The following FLG2 variants were observed in gnomAD, a reference collection of about 807,000 sequenced individuals.
FLG2 encodes the protein filaggrin-2.
FLG2 carries 7 observed loss-of-function variants against 3.9 expected under a neutral mutation model. The ratio of observed to expected loss-of-function variants is 1.79; its 90% CI spans 1.02 to 3.36. FLG2 has a LOEUF of 3.36. Ranked by LOEUF, FLG2 falls within the 30% of genes most tolerant of loss-of-function variation. The pLI is 0.00. For missense variants in FLG2, 2,700 were observed against 2,809.4 expected (o/e 0.96, Z 0.88); for synonymous variants, 1,031 against 1,056.1 (o/e 0.98, Z 0.46).
rs139512884 is a variant in FLG2 at position 152,353,070 on chromosome 1, C to G, written c.4716G>C (p.Gln1572His). 249 of 1,613,234 alleles carry G rather than the reference C, an allele frequency of 1.5e-4. No individual in the cohort carries two copies. Among genetic ancestry groups the G allele is most frequent in the Non-Finnish European group, 2.0e-4 (236 of 1,179,848 alleles). Reference sequence around the variant, plus strand: ...CAGTGGACTCACTGTGGCTAGTTCTCTGTCTTCCAGTTGTCCTGGACCCTG... The same window carrying G: ...CAGTGGACTCACTGTGGCTAGTTCTGTGTCTTCCAGTTGTCCTGGACCCTG... Reference protein sequence around the residue: ...TQTGSRTTGRQRTSHSESTDS... With the variant: ...TQTGSRTTGRHRTSHSESTDS... Residue 1572 changes from glutamine (Q) to histidine (H), a missense_variant, in exon 3 of 3, where the codon CAG becomes CAC. Transcript: ENST00000388718.
In FLG2 at chr1:152,356,178, A is replaced by C. The variant is rs1462264614; in HGVS notation, c.1608T>G (p.Ser536=). 2 of 1,613,970 alleles carry C rather than the reference A, an allele frequency of 1.2e-6. No individual in the cohort carries two copies. The highest frequency in any genetic ancestry group is 4.5e-5 in the East Asian group (2 of 44,880). The part of the protein sequence containing the change: ...GQSSGFGQHE[S]RSRQSSYGQH... ...GGCCATAGCTAGACTGACGTGATCT[A>C]GACTCATGTTGTCCAAAACCAGAGG... Residue 536 remains serine (S), a synonymous_variant, in exon 3 of 3, where the codon TCT becomes TCG. Transcript: ENST00000388718.
intron 1 of FLG2, 69 bp from the exon 2 acceptor site, chr1:152,358,975 T>C: frequency 1.4e-6 from 2 of 1,398,534 alleles, no homozygotes; most frequent in Non-Finnish European, 1.9e-6. Flanking sequence ...TTCATTTTAA[T>C]AATAACCAGC....
chr1:152,353,479 C>T lies in FLG2; in HGVS notation c.4307G>A (p.Gly1436Asp). Residue 1436 changes from glycine (G) to aspartate (D), a missense_variant, in exon 3 of 3, where the codon GGC (glycine) becomes GAC (aspartate). Gly to Asp is a moderately conservative substitution (Grantham distance 94). Coordinates refer to ENST00000388718, the MANE Select transcript of FLG2 (RefSeq NM_001014342.3). ...ESSDSEVHSG[G>D]SHRPQSQEQT... is the part of the protein sequence containing the mutation. ...TTCTTGTGATTGTGGTCTGTGTGAGCCCCCTGAGTGCACTTCACTGTCACT... is the reference window on the plus strand; with the variant it reads ...TTCTTGTGATTGTGGTCTGTGTGAGTCCCCTGAGTGCACTTCACTGTCACT... The T allele has an allele frequency of 1.2e-6, 2 of 1,610,984 alleles. No individual in the cohort carries two copies. The highest frequency in any genetic ancestry group is 1.7e-6 in the Non-Finnish European group (2 of 1,179,168).
Position 152,353,883 on chromosome 1 carries a change from T to C in FLG2, c.3903A>G (p.Pro1301=). 1 of 1,614,120 alleles carries C rather than the reference T, an allele frequency of 6.2e-7. No homozygotes were observed. The highest frequency in any genetic ancestry group is 8.5e-7 in the Non-Finnish European group (1 of 1,179,966). ...TTCTGCGAACTGTGGATCCTGACTT[T>C]GGGTAGTGAGATCCAGCTTGTGTGT... The part of the protein sequence containing the change: ...HIHTQAGSHY[P]KSGSTVRRRQ... Residue 1301 remains proline, a synonymous_variant, in exon 3 of 3, where the codon CCA becomes CCG. Coordinates refer to ENST00000388718, the MANE Select transcript of FLG2 (RefSeq NM_001014342.3).
Position 152,352,774 on chromosome 1 carries a change from C to A in FLG2, c.5012G>T (p.Gly1671Val). Reference sequence around the variant, plus strand: ...AGATCCAGCTTGACCATGAGTGTGTCCTGTATGTGTGTGTGAGACCCCTGA... The same window carrying A: ...AGATCCAGCTTGACCATGAGTGTGTACTGTATGTGTGTGTGAGACCCCTGA... ...VHSGVSHTHT[G>V]HTHGQAGSQH... The change falls in exon 3 of 3, where the codon GGA becomes GTA. Residue 1671 changes from glycine to valine, a missense_variant. Physicochemically the swap from Gly to Val is moderately radical, Grantham distance 109. Transcript: ENST00000388718. 6.2e-7 allele frequency: 1 copy of A among 1,613,146 alleles called. No homozygotes were observed.
chr1:152,352,360 C>G lies in FLG2; in HGVS notation c.5426G>C (p.Ser1809Thr), dbSNP rs1254496666. 1 of 1,613,934 alleles carries G rather than the reference C, an allele frequency of 6.2e-7. No individual in the cohort carries two copies. The highest frequency in any genetic ancestry group is 2.2e-5 in the East Asian group (1 of 44,856). Residue 1809 changes from serine (S) to threonine (T), a missense_variant, in exon 3 of 3, where the codon AGT (serine) becomes ACT (threonine). Physicochemically the swap from Ser to Thr is moderately conservative, Grantham distance 58. Transcript: ENST00000388718. ...TTGTGAGAACCCTGAGTGCCCTTCACTGTCACTGTACTCACTGTGGCCAGA... is the reference window on the plus strand; with the variant it reads ...TTGTGAGAACCCTGAGTGCCCTTCAGTGTCACTGTACTCACTGTGGCCAGA... Reference protein sequence around the residue: ...RSSGHSEYSDSEGHSGFSQRP... With the variant: ...RSSGHSEYSDTEGHSGFSQRP...
rs1475446263 is a variant in FLG2 at position 152,352,708 on chromosome 1, C to T, written c.5078G>A (p.Gly1693Glu). 1 of 1,613,702 alleles carries T rather than the reference C, an allele frequency of 6.2e-7. No homozygotes were observed. The highest frequency in any genetic ancestry group is 8.5e-7 in the Non-Finnish European group (1 of 1,179,924). The stretch of plus-strand genomic sequence containing the variant: ...ATCTCCTGTCTGTCCATGAGTAGTT[C>T]CATGTCTCTCAGGAACTATGGATTC... ...QSESIVPERH[G>E]TTHGQTGDTT... Residue 1693 changes from glycine (G) to glutamate (E), a missense_variant, in exon 3 of 3, where the codon GGA becomes GAA. Coordinates refer to ENST00000388718, the MANE Select transcript of FLG2 (RefSeq NM_001014342.3).
In FLG2 at chr1:152,354,040, T is replaced by C. The variant is rs16833974; in HGVS notation, c.3746A>G (p.His1249Arg). 18,853 of 1,614,062 alleles carry C rather than the reference T, an allele frequency of 0.012. 1,573 individuals carry two copies. In the African/African-American group the frequency reaches 0.2, roughly 17 times the overall value. The change falls in exon 3 of 3, where the codon CAT (histidine) becomes CGT (arginine). Residue 1249 changes from histidine to arginine, a missense_variant. His to Arg is a conservative substitution (Grantham distance 29). Coordinates refer to ENST00000388718, the MANE Select transcript of FLG2 (RefSeq NM_001014342.3). ...THGQTINTTR[H>R]SQSGQGQSTQ... ...GGATTGTCCTTGACCAGACTGGCTA[T>C]GTCTAGTGGTATTTATTGTCTGACC...
At chr1:152,358,158 A>G (rs986716132) in intron 2 of FLG2, among the ~76,000 whole-genome samples, 15 of 151,790 alleles carry the variant, frequency 9.9e-5, no homozygotes, top group Non-Finnish European at 1.9e-4. Context: ...AGTAGCTGGG[A>G]CTACAGGGGC....
rs1654289766 is a variant in FLG2 at position 152,357,471 on chromosome 1, A to T, written c.315T>A (p.Gly105=). 1 of 1,613,884 alleles carries T rather than the reference A, an allele frequency of 6.2e-7. No individual in the cohort carries two copies. The highest frequency in any genetic ancestry group is 8.5e-7 in the Non-Finnish European group (1 of 1,180,016). The change falls in exon 3 of 3, where the codon GGT becomes GGA. Residue 105 remains glycine, a synonymous_variant. Coordinates refer to ENST00000388718, the MANE Select transcript of FLG2 (RefSeq NM_001014342.3). ...CACTTTCTTCTTCTTGGTGTCGGTG[A>T]CCACGCCTATGCTTCTTTGACCCTG... ...KASGSKKHRR[G]HRHQEEESET...
At chr1:152,359,033 G>T in intron 1 of FLG2, 127 bp from the exon 2 acceptor site, 2 of 813,368 alleles carry the variant, frequency 2.5e-6, no homozygotes, top group Non-Finnish European at 3.7e-6. Context: ...CGTAAGAATG[G>T]GCCAGGGATG....
chr1:152,358,739 G>A lies in FLG2; in HGVS notation c.138+8C>T, dbSNP rs750409932. On this transcript the variant is annotated splice_region_variant and intron_variant, in intron 2 of 2. Coordinates refer to ENST00000388718, the MANE Select transcript of FLG2 (RefSeq NM_001014342.3). Reference sequence around the variant, plus strand: ...CAGCAGCCTTCAGTTCTGGCACATGGCTCTCACCTTCAGAACTGGATGAAG... The same window carrying A: ...CAGCAGCCTTCAGTTCTGGCACATGACTCTCACCTTCAGAACTGGATGAAG... 2 of 1,611,434 alleles carry A rather than the reference G, an allele frequency of 1.2e-6. No individual in the cohort carries two copies. The highest frequency in any genetic ancestry group is 1.7e-6 in the Non-Finnish European group (2 of 1,179,024).
Position 152,353,866 on chromosome 1 carries a change from A to G in FLG2, c.3920T>C (p.Val1307Ala). ...GSHYPKSGSTVRRRQGTTHGQ... is the reference protein window; with the variant it reads ...GSHYPKSGSTARRRQGTTHGQ... ...ATGAGTAGTTCCTTGTCTTCTGCGA[A>G]CTGTGGATCCTGACTTTGGGTAGTG... Residue 1307 changes from valine to alanine, a missense_variant, in exon 3 of 3, where the codon GTT becomes GCT. By Grantham distance (64) the Val-to-Ala change is moderately conservative (BLOSUM62 0). Coordinates refer to ENST00000388718, the MANE Select transcript of FLG2 (RefSeq NM_001014342.3). 2 of 1,613,938 alleles carry G rather than the reference A, an allele frequency of 1.2e-6. No homozygotes were observed. The highest frequency in any genetic ancestry group is 1.7e-6 in the Non-Finnish European group (2 of 1,179,944).
rs533646547 is a variant in FLG2 at position 152,352,355 on chromosome 1, C to T, written c.5431G>A (p.Gly1811Arg). The T allele has an allele frequency of 6.2e-7, 1 of 1,613,380 alleles. No individual in the cohort carries two copies. The highest frequency in any genetic ancestry group is 2.2e-5 in the East Asian group (1 of 44,802). The change falls in exon 3 of 3, where the codon GGG becomes AGG. Residue 1811 changes from glycine to arginine, a missense_variant. Transcript: ENST00000388718. ...GGTCTTTGTGAGAACCCTGAGTGCC[C>T]TTCACTGTCACTGTACTCACTGTGG... ...SGHSEYSDSE[G>R]HSGFSQRPHS... is the part of the protein sequence containing the mutation.
chr1:152,354,441 A>C lies in FLG2; in HGVS notation c.3345T>G (p.Phe1115Leu), dbSNP rs931841555. 1 of 1,614,054 alleles carries C rather than the reference A, an allele frequency of 6.2e-7. No individual in the cohort carries two copies. Among genetic ancestry groups the C allele is most frequent in the Non-Finnish European group, 8.5e-7 (1 of 1,180,036 alleles). ...GACCTGAGCCCGATCCATATTGGCC[A>C]AAGCCAGAGGACTGACCTGAGCCTG... ...HRPGSGQSSGFGQYGSGSGQS... is the reference protein window; with the variant it reads ...HRPGSGQSSGLGQYGSGSGQS... Residue 1115 changes from phenylalanine to leucine, a missense_variant, in exon 3 of 3, where the codon TTT becomes TTG. Phe to Leu is a conservative substitution (Grantham distance 22, BLOSUM62 0). Coordinates refer to ENST00000388718, the MANE Select transcript of FLG2 (RefSeq NM_001014342.3).
chr1:152,357,742 G>C lies in FLG2; in HGVS notation c.139-95C>G. On this transcript the variant is annotated intron_variant, in intron 2 of 2. Coordinates refer to ENST00000388718, the MANE Select transcript of FLG2 (RefSeq NM_001014342.3). ...TAGCGCTGTGAAATTATGGATGTTT[G>C]ACATGATGTAGTTTTAGTCCAATAA... 5.8e-6 allele frequency: 5 copies of C among 860,042 alleles called. No individual in the cohort carries two copies. In the South Asian group the frequency reaches 8.5e-5, roughly 15 times the overall value. The allele number at this position is 860,042 out of a possible 1,614,324, so 53.3% of individuals were successfully genotyped here. A position where few individuals can be genotyped will look rare whatever the true frequency, so the allele number is the denominator to read the frequency against.
In FLG2 at chr1:152,356,599, T is replaced by C; in HGVS notation, c.1187A>G (p.His396Arg). The C allele has an allele frequency of 6.2e-7, 1 of 1,614,202 alleles. No homozygotes were observed. The highest frequency in any genetic ancestry group is 8.5e-7 in the Non-Finnish European group (1 of 1,180,028). The change falls in exon 3 of 3, where the codon CAT (histidine) becomes CGT (arginine). Residue 396 changes from histidine to arginine, a missense_variant. By Grantham distance (29) the His-to-Arg change is conservative. Coordinates refer to ENST00000388718, the MANE Select transcript of FLG2 (RefSeq NM_001014342.3). ...GGSQSCSNGQ[H>R]EYGSCGRFSN... Reference sequence around the variant, plus strand: ...AAAGCGGCCACAGGAACCATATTCATGTTGACCATTACTACAAGACTGGCT... The same window carrying C: ...AAAGCGGCCACAGGAACCATATTCACGTTGACCATTACTACAAGACTGGCT...
intron 2 of FLG2, 122 bp from the exon 3 acceptor site, chr1:152,357,769 G>T: frequency 2.8e-6 from 2 of 706,406 alleles, no homozygotes; most frequent in South Asian, 3.8e-5. Context: ...GTCCAATAAA[G>T]GATTACTTTA....
In FLG2 at chr1:152,357,366, A is replaced by G. The variant is rs757291087; in HGVS notation, c.420T>C (p.His140=). The G allele has an allele frequency of 1.2e-6, 2 of 1,613,814 alleles. No homozygotes were observed. Among genetic ancestry groups the G allele is most frequent in the East Asian group, 2.2e-5 (1 of 44,854 alleles). The change falls in exon 3 of 3, where the codon CAT becomes CAC. Residue 140 remains histidine (H), a synonymous_variant. Coordinates refer to ENST00000388718, the MANE Select transcript of FLG2 (RefSeq NM_001014342.3). The part of the protein sequence containing the change: ...RHSSWSEGEE[H]GYSSGHSRGT... Reference sequence around the variant, plus strand: ...CCCTTGAGTGCCCAGAACTATATCCATGCTCCTCTCCCTCACTCCAACTTG... The same window carrying G: ...CCCTTGAGTGCCCAGAACTATATCCGTGCTCCTCTCCCTCACTCCAACTTG...
Sources: allele counts gnomAD v4.1 joint callset (sites outside exome capture counted in the v4.1 genomes callset), GRCh38; gene constraint gnomAD v4.1.1; transcripts MANE v1.5; gene names NCBI Gene and HGNC (gene_info 2026-07-23, HGNC 2026-07-21).